SH3KBP1: variants seen among roughly 807,000 people sequenced by gnomAD.
The protein encoded by SH3KBP1 is SH3 domain containing kinase binding protein 1.
In SH3KBP1, 8 loss-of-function variants were observed where a neutral mutation model predicts 50.1. The ratio of observed to expected loss-of-function variants is 0.16; its 90% CI spans 0.09 to 0.29. The LOEUF (loss-of-function observed/expected upper bound fraction) is 0.29, where lower values mean the gene tolerates loss of function less well. Ranked by LOEUF, SH3KBP1 falls within the 10% of genes least tolerant of loss-of-function variation. The probability of loss-of-function intolerance (pLI) is 1.00; values close to 1 mark genes in which losing one functional copy is unlikely to be tolerated. For missense variants in SH3KBP1, 377 were observed against 535.2 expected, an observed-to-expected ratio of 0.70 and a Z score of 2.92; for synonymous variants, 227 against 218.6, an observed-to-expected ratio of 1.04 and a Z score of -0.34.
intron 7 of SH3KBP1, among the ~76,000 whole-genome samples, chrX:19,633,362 G>A (rs1353653331): frequency 1.8e-5 from 2 of 112,018 alleles, no homozygotes; most frequent in Non-Finnish European, 3.8e-5. Context: ...GTGCTGAGGG[G>A]CAATAGTTCT....
At chrX:19,739,014 GAAAAAAAAAAAA>G (rs1167676836) in intron 3 of SH3KBP1, among the ~76,000 whole-genome samples, 4 of 22,459 alleles carry the variant, frequency 1.8e-4, no homozygotes, top group East Asian at 2.5e-3. Context: ...CTGCCTCCAA[GAAAAAAAAAAAA>G]AAAAAAAAAA....
intron 7 of SH3KBP1, among the ~76,000 whole-genome samples, chrX:19,638,209 G>A (rs1363480477): frequency 1.8e-5 from 2 of 110,001 alleles, no homozygotes; most frequent in Admixed American, 9.6e-5. Context: ...AGGAGATCGA[G>A]ACCATCCTGG....
intron 5 of SH3KBP1, among the ~76,000 whole-genome samples, chrX:19,693,182 A>G (rs1447477954): frequency 9.0e-6 from 1 of 111,409 alleles, no homozygotes; most frequent in African/African-American, 3.3e-5. Flanking sequence ...ACTTTGCTGA[A>G]CTCGGGTTTG....
chrX:19,855,667 T>C (rs1418011745), intron 1 of SH3KBP1, among the ~76,000 whole-genome samples: 1 of 111,144 alleles, frequency 9.0e-6, no homozygotes, highest in African/African-American at 3.3e-5. Flanking sequence ...GTGCTACACA[T>C]AGCCTCTACC....
chrX:19,804,894 C>G lies in SH3KBP1; in HGVS notation c.162+31231G>C, dbSNP rs1445540627. ...CAGCCCAAACCCTACCCCCCCCCCC[C>G]CACCCGCTGCCATCACAATCTGCCT... On this transcript the variant is annotated intron_variant, in intron 2 of 17. Coordinates refer to ENST00000397821, the MANE Select transcript of SH3KBP1 (RefSeq NM_031892.3). 9.1e-5 allele frequency among the ~76,000 whole-genome samples: 8 copies of G among 87,451 alleles called. No individual in the cohort carries two copies. The East Asian group carries it at 2.2e-3, about 24-fold the overall frequency. The allele number at this position is 87,451 out of a possible 115,157, so 75.9% of individuals were successfully genotyped here.
At chrX:19,661,267 T>C (rs911714170) in intron 6 of SH3KBP1, among the ~76,000 whole-genome samples, 2 of 112,504 alleles carry the variant, frequency 1.8e-5, no homozygotes, top group African/African-American at 3.2e-5. Flanking sequence ...AACCACCAAA[T>C]TCCAGTTCTC....
At chrX:19,760,387 AAAAT>A (rs761098345) in intron 2 of SH3KBP1, among the ~76,000 whole-genome samples, 33 of 93,999 alleles carry the variant, frequency 3.5e-4, no homozygotes, top group South Asian at 2.5e-3. Context: ...ATTCTGTCTC[AAAAT>A]AAATAAATAC....
chrX:19,812,990 A>G (rs1173497062), intron 2 of SH3KBP1, among the ~76,000 whole-genome samples: 3 of 109,435 alleles, frequency 2.7e-5, no homozygotes, highest in Non-Finnish European at 5.7e-5. Flanking sequence ...ACAACAACAA[A>G]AAATTAGCTA....
At chrX:19,654,738 C>T (rs1384436853) in intron 6 of SH3KBP1, among the ~76,000 whole-genome samples, 2 of 111,830 alleles carry the variant, frequency 1.8e-5, no homozygotes, top group East Asian at 2.8e-4. Context: ...ACAATGCCTT[C>T]CTTTTAGATA....
rs189490524 is a variant in SH3KBP1 at position 19,829,095 on chromosome X, A to T, written c.162+7030T>A. 2.7e-5 allele frequency among the ~76,000 whole-genome samples: 3 copies of T among 112,257 alleles called. No homozygotes were observed. The East Asian group carries it at 8.4e-4, about 31-fold the overall frequency. Reference sequence around the variant, plus strand: ...TTACATGTGTGCATATGCAAGAGCAATTAGTGCTAATGTCCATAAGACAAC... The same window carrying T: ...TTACATGTGTGCATATGCAAGAGCATTTAGTGCTAATGTCCATAAGACAAC... On this transcript the variant is annotated intron_variant, in intron 2 of 17. Transcript: ENST00000397821.
At chrX:19,633,129 C>T (rs1602736939) in intron 7 of SH3KBP1, among the ~76,000 whole-genome samples, 1 of 111,740 alleles carries the variant, frequency 8.9e-6, no homozygotes. Context: ...ATCCATAATA[C>T]AGATACACTA....
intron 1 of SH3KBP1, among the ~76,000 whole-genome samples, chrX:19,866,324 C>T (rs764118007): frequency 1.3e-4 from 14 of 111,625 alleles, no homozygotes; most frequent in Non-Finnish European, 2.4e-4. Flanking sequence ...ACAAGCTAGC[C>T]CCTCAGCTAC....
intron 1 of SH3KBP1, among the ~76,000 whole-genome samples, chrX:19,842,704 G>A (rs1275061814): frequency 9.0e-6 from 1 of 110,878 alleles, no homozygotes; most frequent in Non-Finnish European, 1.9e-5. Context: ...TAGTTTGATG[G>A]GACTGTCCAT....
At chrX:19,581,843 A>C (rs2066382014) in intron 12 of SH3KBP1, among the ~76,000 whole-genome samples, 1 of 100,571 alleles carries the variant, frequency 9.9e-6, no homozygotes, top group African/African-American at 3.8e-5. Flanking sequence ...CTCCAGCATC[A>C]CTACAGGTTT....
chrX:19,667,659 G>A (rs186895488), intron 6 of SH3KBP1, among the ~76,000 whole-genome samples: 1 of 110,665 alleles, frequency 9.0e-6, no homozygotes, highest in East Asian at 2.8e-4. Flanking sequence ...AAATGGCAAA[G>A]GCAGTAAAAT....
intron 10 of SH3KBP1, among the ~76,000 whole-genome samples, chrX:19,593,519 G>A (rs1159900247): frequency 9.1e-6 from 1 of 110,365 alleles, no homozygotes; most frequent in African/African-American, 3.3e-5. Context: ...GATCATTCAG[G>A]CAGGATAAAT....
intron 8 of SH3KBP1, among the ~76,000 whole-genome samples, chrX:19,625,077 C>A (rs1027958416): frequency 8.9e-6 from 1 of 112,117 alleles, no homozygotes; most frequent in Non-Finnish European, 1.9e-5. Context: ...ATCGATTTAG[C>A]TGATCGGCTT....
At position 19,687,651 on chromosome X, in the gene SH3KBP1, T is replaced by G. The variant is rs762842368; in HGVS notation, c.521-3623A>C. ...GTCTGTGGCCCTCCGTCTTTCCCGG[T>G]GCAGCTCGGTACAGAATTGTCCCTT... On this transcript the variant is annotated intron_variant, in intron 5 of 17. Coordinates refer to ENST00000397821, the MANE Select transcript of SH3KBP1 (RefSeq NM_031892.3). 4 of 1,208,690 alleles carry G rather than the reference T, an allele frequency of 3.3e-6. No individual in the cohort carries two copies. The Admixed American group carries it at 8.7e-5, about 26-fold the overall frequency.
chrX:19,732,475 G>A (rs1323867055), intron 3 of SH3KBP1, among the ~76,000 whole-genome samples: 2 of 109,698 alleles, frequency 1.8e-5, no homozygotes, highest in Admixed American at 9.9e-5. Context: ...CACAAATGCT[G>A]TATTATCTAT....
Sources: gnomAD v4.1 joint callset for allele counts (sites outside exome capture counted in the v4.1 genomes callset) on GRCh38, gnomAD v4.1.1 for gene constraint, MANE v1.5 for transcripts, NCBI Gene and HGNC (gene_info 2026-07-23, HGNC 2026-07-21) for gene names.